The following KLHL5 variants were observed in gnomAD, a reference collection of about 807,000 sequenced individuals.
KLHL5 encodes kelch like family member 5.
A neutral mutation model predicts 77.7 loss-of-function variants in KLHL5; 48 were observed. The ratio of observed to expected loss-of-function variants is 0.62; its 90% confidence interval spans 0.49 to 0.79. KLHL5 has a LOEUF of 0.79. Ranked by LOEUF, KLHL5 falls within the 30% of genes least tolerant of loss-of-function variation. The pLI is 0.00. For missense variants in KLHL5, 723 were observed against 859.7 expected (o/e 0.84, Z 1.99); for synonymous variants, 260 against 297.0 (o/e 0.88, Z 1.28).
the KLHL5 span, among the ~76,000 whole-genome samples, chr4:39,132,204 C>A: frequency 6.9e-6 from 1 of 145,164 alleles, no homozygotes; most frequent in South Asian, 2.1e-4. Flanking sequence ...ATTGGAATGT[C>A]CAGGAAGAGG....
At chr4:39,102,644 C>T (rs2109515614) in intron 6 of KLHL5, among the ~76,000 whole-genome samples, 1 of 152,252 alleles carries the variant, frequency 6.6e-6, no homozygotes, top group South Asian at 2.1e-4. Context: ...GTATTTTTAG[C>T]TGCTTTCCTC....
In KLHL5 at chr4:39,098,689, G is replaced by A. The variant is rs555584280; in HGVS notation, c.1300+1811G>A. Among the ~76,000 whole-genome samples the A allele has an allele frequency of 4.0e-5, 6 of 151,662 alleles. No homozygotes were observed. The South Asian group carries it at 1.3e-3, about 32-fold the overall frequency. On this transcript the variant is annotated intron_variant, in intron 6 of 10. Transcript: ENST00000504108. Reference sequence around the variant, plus strand: ...CACCATTCTCCTGCCTCAGCCTCCCGAGTAGCTGGGACTACAGGCACCTGC... The same window carrying A: ...CACCATTCTCCTGCCTCAGCCTCCCAAGTAGCTGGGACTACAGGCACCTGC...
At chr4:39,050,096 TG>T (rs1397255631) in intron 1 of KLHL5, among the ~76,000 whole-genome samples, 1 of 151,824 alleles carries the variant, frequency 6.6e-6, no homozygotes, top group Admixed American at 6.6e-5. Context: ...AATAAATAAG[TG>T]GGGAGTTTAC....
intron 1 of KLHL5, among the ~76,000 whole-genome samples, chr4:39,045,456 C>T (rs557935551): frequency 2.6e-5 from 4 of 152,058 alleles, no homozygotes; most frequent in Non-Finnish European, 5.9e-5. Flanking sequence ...CCGGACTGTC[C>T]CTGCCAATAA....
At chr4:39,131,750 T>C (rs758014563), downstream of KLHL5, among the ~76,000 whole-genome samples, 12 of 151,704 alleles carry the variant, frequency 7.9e-5, no homozygotes, top group African/African-American at 1.2e-4. Context: ...TAGCCGGGTG[T>C]GGTGGTGCAT....
At position 39,082,002 on chromosome 4, in the gene KLHL5, T is replaced by C. The variant is rs1241870611; in HGVS notation, c.743T>C (p.Leu248Ser). 1 of 1,610,396 alleles carries C rather than the reference T, an allele frequency of 6.2e-7. No individual in the cohort carries two copies. Among genetic ancestry groups the C allele is most frequent in the Non-Finnish European group, 8.5e-7 (1 of 1,178,942 alleles). Residue 248 changes from leucine (L) to serine (S), a missense_variant, in exon 4 of 11, where the codon TTA becomes TCA. Coordinates refer to ENST00000504108, the MANE Select transcript of KLHL5 (RefSeq NM_015990.5). ...AAAGAAGATAATATTGAGTGCCTGT[T>C]ATCTACAGCTTGCCTTCTTCAGCTT... Reference protein sequence around the residue: ...ELKEDNIECLLSTACLLQLSQ... With the variant: ...ELKEDNIECLSSTACLLQLSQ...
At chr4:39,141,876 G>GCT in the KLHL5 span, among the ~76,000 whole-genome samples, 1 of 152,354 alleles carries the variant, frequency 6.6e-6, no homozygotes, top group African/African-American at 2.4e-5. Context: ...ACTGAATCAT[G>GCT]AGAGAACATG....
chr4:39,067,216 T>G (rs942110061), intron 1 of KLHL5, among the ~76,000 whole-genome samples: 2 of 152,206 alleles, frequency 1.3e-5, no homozygotes, highest in African/African-American at 4.8e-5. Flanking sequence ...TTTCCTAGAT[T>G]TTACTTGCTT....
At chr4:39,103,163 A>G in intron 6 of KLHL5, 124 bp from the exon 7 acceptor site, 1 of 804,120 alleles carries the variant, frequency 1.2e-6, no homozygotes, top group South Asian at 1.9e-5. Context: ...CAGGACCTTC[A>G]TGAAATATAA....
intron 1 of KLHL5, among the ~76,000 whole-genome samples, chr4:39,073,065 T>C (rs1718637685): frequency 2.6e-5 from 4 of 152,302 alleles, no homozygotes; most frequent in Admixed American, 2.0e-4. Flanking sequence ...CCTATAAATA[T>C]ATATAATTGT....
At chr4:39,139,311 C>T in the KLHL5 span, among the ~76,000 whole-genome samples, 2 of 150,838 alleles carry the variant, frequency 1.3e-5, no homozygotes, top group Admixed American at 1.3e-4. Flanking sequence ...AAAAGCCCAT[C>T]ATCAATACTG....
At position 39,076,035 on chromosome 4, in the gene KLHL5, C is replaced by T; in HGVS notation, c.454C>T (p.Gln152Ter). ...GCCATGTACATCAGATGAATTTTTC[C>T]AAGCCCTTAATCATGCCGAGCAAAC... Reference protein sequence around the residue: ...MEPCTSDEFFQALNHAEQTFK... With the variant: ...MEPCTSDEFF Residue 152 changes from glutamine to a stop codon, truncating the protein, a stop_gained, in exon 2 of 11, where the codon CAA (glutamine) becomes TAA (stop). Coordinates refer to ENST00000504108, the MANE Select transcript of KLHL5 (RefSeq NM_015990.5). LOFTEE classifies it high-confidence loss of function. 1 of 1,612,066 alleles carries T rather than the reference C, an allele frequency of 6.2e-7. No homozygotes were observed. Among genetic ancestry groups the T allele is most frequent in the Non-Finnish European group, 8.5e-7 (1 of 1,179,238 alleles).
At chr4:39,073,785 C>T (rs1319926177) in intron 1 of KLHL5, among the ~76,000 whole-genome samples, 2 of 151,744 alleles carry the variant, frequency 1.3e-5, no homozygotes, top group Non-Finnish European at 2.9e-5. Context: ...GCTGGGACTA[C>T]AGGCGTGTGC....
chr4:39,053,570 T>A (rs1393380082), intron 1 of KLHL5, among the ~76,000 whole-genome samples: 2 of 152,194 alleles, frequency 1.3e-5, no homozygotes. Context: ...ATCATTTTTT[T>A]AATGATATTA....
downstream of KLHL5, among the ~76,000 whole-genome samples, chr4:39,128,959 AAAAAT>A (rs1159616926): frequency 6.6e-6 from 1 of 152,012 alleles, no homozygotes; most frequent in African/African-American, 2.4e-5. Context: ...TCAAAAAATA[AAAAAT>A]AAAATAAAAT....
chr4:39,110,246 T>C (rs796203728), intron 8 of KLHL5, among the ~76,000 whole-genome samples: 21 of 152,192 alleles, frequency 1.4e-4, no homozygotes, highest in African/African-American at 4.3e-4. Context: ...GAATAAACTT[T>C]AAAGAACACA....
At position 39,081,265 on chromosome 4, in the gene KLHL5, A is replaced by T. The variant is rs1219133064; in HGVS notation, c.703+26A>T. 5 of 1,566,008 alleles carry T rather than the reference A, an allele frequency of 3.2e-6. No individual in the cohort carries two copies. The highest frequency in any genetic ancestry group is 3.9e-5 in the Admixed American group (2 of 51,636). On this transcript the variant is annotated intron_variant, in intron 3 of 10. Transcript: ENST00000504108. The surrounding 1 kb of genome is among the most constrained non-coding windows in gnomAD (Gnocchi z 4.3). ...GTAACGAGTCTGAAAATGTAAATTA[A>T]AACCTCTTAGATTTATGTTGTATTA...
chr4:39,045,030 C>G (rs1167015300), upstream of KLHL5: 4 of 993,946 alleles, frequency 4.0e-6, no homozygotes, highest in African/African-American at 7.0e-5. Flanking sequence ...GCCCCCGCCT[C>G]CCCCGCTCCT....
At chr4:39,129,677 G>GTCTCCAGTGTCTATTGTTCCATCTT, downstream of KLHL5, among the ~76,000 whole-genome samples, 1 of 152,338 alleles carries the variant, frequency 6.6e-6, no homozygotes, top group East Asian at 1.9e-4. The surrounding 1 kb of genome is among the most constrained non-coding windows in gnomAD (Gnocchi z 4.2). Flanking sequence ...CTCTGTAGGA[G>GTCTCCAGTGTCTATTGTTCCATCTT]TCTCCAGTGT....
Sources: gnomAD v4.1 joint callset for allele counts (sites outside exome capture counted in the v4.1 genomes callset) on GRCh38, gnomAD v4.1.1 for gene constraint, Gnocchi (gnomAD v3.1) non-coding constraint, MANE v1.5 for transcripts, NCBI Gene and HGNC (gene_info 2026-07-23, HGNC 2026-07-21) for gene names.